CSMD1: variants seen among roughly 807,000 people sequenced by gnomAD.
The protein encoded by CSMD1 is CUB and sushi domain-containing protein 1.
In CSMD1, 213 loss-of-function variants were observed where a neutral mutation model predicts 417.5. The ratio of observed to expected loss-of-function variants is 0.51; its 90% CI spans 0.46 to 0.57. The LOEUF (loss-of-function observed/expected upper bound fraction) is 0.57. Ranked by LOEUF, CSMD1 falls within the 20% of genes least tolerant of loss-of-function variation. The pLI, the probability that CSMD1 is intolerant of heterozygous loss-of-function variation, is 0.00. For missense variants in CSMD1, 6,923 were observed against 4,529.7 expected (o/e 1.53, Z -15.17); for synonymous variants, 2,862 against 1,736.8 (o/e 1.65, Z -16.11).
intron 7 of CSMD1, among the ~76,000 whole-genome samples, chr8:3,656,270 G>A (rs756298296): frequency 2.0e-5 from 3 of 152,154 alleles, no homozygotes; most frequent in Non-Finnish European, 2.9e-5. Context: ...AAAGTCAAAC[G>A]TGAGTTTACT....
chr8:4,057,757 G>C (rs1298088795), intron 3 of CSMD1, among the ~76,000 whole-genome samples: 1 of 152,020 alleles, frequency 6.6e-6, no homozygotes, highest in Non-Finnish European at 1.5e-5. Context: ...CATATGGCTA[G>C]CCAGTTTTCC....
At chr8:3,810,443 G>C (rs1801002740) in intron 5 of CSMD1, among the ~76,000 whole-genome samples, 1 of 152,126 alleles carries the variant, frequency 6.6e-6, no homozygotes, top group South Asian at 2.1e-4. Context: ...ATCGAAGGGA[G>C]CACGGGAGGA....
At chr8:4,000,776 T>C (rs1198780551) in intron 4 of CSMD1, among the ~76,000 whole-genome samples, 1 of 152,018 alleles carries the variant, frequency 6.6e-6, no homozygotes, top group African/African-American at 2.4e-5. Flanking sequence ...TATTCTTTTC[T>C]CTGAATTCAT....
At chr8:3,828,555 C>G (rs918172230) in intron 5 of CSMD1, among the ~76,000 whole-genome samples, 2 of 152,156 alleles carry the variant, frequency 1.3e-5, no homozygotes, top group Non-Finnish European at 2.9e-5. Context: ...TTGTGTCTTA[C>G]AGAACTTGTC....
chr8:3,201,792 T>C (rs1011085316), intron 31 of CSMD1, 67 bp from the exon 32 acceptor site: 3 of 831,958 alleles, frequency 3.6e-6, no homozygotes, highest in Non-Finnish European at 5.8e-6. Context: ...ATTTTTGATT[T>C]CACTGAATAT....
chr8:4,849,695 C>T (rs1053413243), intron 1 of CSMD1, among the ~76,000 whole-genome samples: 6 of 152,072 alleles, frequency 3.9e-5, no homozygotes, highest in African/African-American at 1.4e-4. Context: ...ACATGCTGTA[C>T]AGATTTGAAG....
At chr8:3,298,607 A>G (rs1051020597) in intron 25 of CSMD1, among the ~76,000 whole-genome samples, 1 of 152,090 alleles carries the variant, frequency 6.6e-6, no homozygotes, top group Non-Finnish European at 1.5e-5. Context: ...GCGTGTGCCA[A>G]CACAACTTGC....
At chr8:4,146,908 G>C (rs1032045577) in intron 3 of CSMD1, among the ~76,000 whole-genome samples, 1 of 144,210 alleles carries the variant, frequency 6.9e-6, no homozygotes, top group Admixed American at 6.7e-5. Flanking sequence ...CCACCGCACC[G>C]GCCAGACACA....
chr8:4,595,129 T>G (rs1341614269), intron 2 of CSMD1, among the ~76,000 whole-genome samples: 1 of 152,260 alleles, frequency 6.6e-6, no homozygotes, highest in East Asian at 1.9e-4. Flanking sequence ...AATTTGGAAT[T>G]CTGAGCATCC....
chr8:3,308,516 A>C lies in CSMD1; in HGVS notation c.3632-13T>G, dbSNP rs768184967. On this transcript the variant is annotated splice_polypyrimidine_tract_variant and intron_variant, in intron 23 of 69. Transcript: ENST00000635120. ...ACCAGATCAAAACCTGCAAGAGAGA[A>C]AGGCAAGGAATGAACAGAACTCAAG... 2 of 1,602,272 alleles carry C rather than the reference A, an allele frequency of 1.2e-6. No homozygotes were observed. Among genetic ancestry groups the C allele is most frequent in the Admixed American group, 1.7e-5 (1 of 59,286 alleles).
intron 2 of CSMD1, among the ~76,000 whole-genome samples, chr8:4,598,813 A>C (rs1563322278): frequency 6.6e-6 from 1 of 152,180 alleles, no homozygotes; most frequent in African/African-American, 2.4e-5. Flanking sequence ...AGTATTAAAT[A>C]GAACAAATTG....
chr8:3,128,211 AAT>A (rs1258497534), intron 41 of CSMD1: 1 of 152,206 alleles, frequency 6.6e-6, no homozygotes, highest in Admixed American at 6.5e-5. Flanking sequence ...CAAGTTTTTA[AAT>A]CATAAGTGCA....
intron 3 of CSMD1, among the ~76,000 whole-genome samples, chr8:4,179,553 A>G (rs78083103): frequency 0.92 from 136,904 of 149,260 alleles, 62,875 homozygotes; most frequent in South Asian, 0.95. Flanking sequence ...AAAAGCAATG[A>G]CAACAAAAGA....
chr8:4,056,650 G>A (rs1001936131), intron 3 of CSMD1, among the ~76,000 whole-genome samples: 1 of 151,676 alleles, frequency 6.6e-6, no homozygotes, highest in Non-Finnish European at 1.5e-5. Flanking sequence ...TCATCATTTA[G>A]CATTAGGTAT....
intron 5 of CSMD1, among the ~76,000 whole-genome samples, chr8:3,792,226 G>A (rs998147371): frequency 1.2e-4 from 18 of 152,070 alleles, no homozygotes; most frequent in Non-Finnish European, 2.2e-4. Flanking sequence ...CCAGGAGGGC[G>A]AGGCTGCAGG....
intron 3 of CSMD1, among the ~76,000 whole-genome samples, chr8:4,224,686 T>C (rs369384553): frequency 1.1e-4 from 17 of 152,232 alleles, no homozygotes; most frequent in Non-Finnish European, 8.8e-5. Context: ...CAATTTCAGA[T>C]GCATGGAGAT....
intron 1 of CSMD1, among the ~76,000 whole-genome samples, chr8:4,640,394 G>A (rs776527933): frequency 3.3e-5 from 5 of 152,162 alleles, no homozygotes; most frequent in African/African-American, 1.2e-4. Context: ...TAAAGCCACC[G>A]TGATTAAAGC....
chr8:3,168,457 G>C (rs1033667297), intron 37 of CSMD1, among the ~76,000 whole-genome samples: 2 of 152,130 alleles, frequency 1.3e-5, no homozygotes, highest in Non-Finnish European at 2.9e-5. Flanking sequence ...TTAAAGTTGA[G>C]ATAATGTGCT....
chr8:3,320,458 T>A (rs1806076809), intron 23 of CSMD1, among the ~76,000 whole-genome samples: 1 of 152,234 alleles, frequency 6.6e-6, no homozygotes, highest in Admixed American at 6.5e-5. Flanking sequence ...AAAATCCATG[T>A]AAATATAAGG....
Sources: allele counts gnomAD v4.1 joint callset (sites outside exome capture counted in the v4.1 genomes callset), GRCh38; gene constraint gnomAD v4.1.1; transcripts MANE v1.5; gene names NCBI Gene and HGNC (gene_info 2026-07-23, HGNC 2026-07-21).